PARD3: variants seen among roughly 807,000 people sequenced by gnomAD.
PARD3 encodes the protein partitioning defective 3 homolog.
Under a neutral mutation model 155.4 loss-of-function variants are expected in PARD3, and 75 were observed. The ratio of observed to expected loss-of-function variants is 0.48; its 90% confidence interval spans 0.40 to 0.58. PARD3 has a LOEUF of 0.58. PARD3 is among the 20% of genes least tolerant of loss of function. PARD3 has a pLI of 0.00. For missense variants in PARD3, 1,642 were observed against 1,721.7 expected, an observed-to-expected ratio of 0.95 and a Z score of 0.82; for synonymous variants, 576 against 610.5, an observed-to-expected ratio of 0.94 and a Z score of 0.83.
At chr10:34,591,541 A>G (rs2088679113) in intron 2 of PARD3, among the ~76,000 whole-genome samples, 3 of 152,212 alleles carry the variant, frequency 2.0e-5, no homozygotes, top group Admixed American at 2.0e-4. Flanking sequence ...ATAGTAAAGT[A>G]AGAATTAAAA....
chr10:34,790,072 T>C (rs1021987826), intron 1 of PARD3, among the ~76,000 whole-genome samples: 6 of 152,192 alleles, frequency 3.9e-5, no homozygotes, highest in African/African-American at 7.2e-5. Context: ...AAACTTGTCA[T>C]GTTCTGGGTT....
rs1337990667 is a variant in PARD3 at position 34,215,677 on chromosome 10, C to T, written c.3419+53980G>A. On this transcript the variant is annotated intron_variant, in intron 22 of 24. Transcript: ENST00000374788. ...CATAAACATAGGCTTAACTTCTATC[C>T]TTCTATAACGTTTGTAGGACTGCAA... Among the ~76,000 whole-genome samples the T allele has an allele frequency of 2.6e-5, 4 of 152,250 alleles. No individual in the cohort carries two copies. The East Asian group carries it at 7.7e-4, about 29-fold the overall frequency.
At chr10:34,355,210 T>C (rs1838660519) in intron 14 of PARD3, among the ~76,000 whole-genome samples, 1 of 152,104 alleles carries the variant, frequency 6.6e-6, no homozygotes, top group African/African-American at 2.4e-5. Flanking sequence ...ATGCCTGTGG[T>C]CCCAGCTACT....
chr10:34,735,119 C>G (rs1371559714), intron 1 of PARD3, among the ~76,000 whole-genome samples: 1 of 152,062 alleles, frequency 6.6e-6, no homozygotes, highest in African/African-American at 2.4e-5. Flanking sequence ...TGATGTAGCA[C>G]TTTTTGAGTA....
chr10:34,566,520 T>C (rs1199129214), intron 2 of PARD3, among the ~76,000 whole-genome samples: 1 of 152,198 alleles, frequency 6.6e-6, no homozygotes, highest in Non-Finnish European at 1.5e-5. Flanking sequence ...AAATGCAGCC[T>C]GAACAGCTGA....
intron 22 of PARD3, among the ~76,000 whole-genome samples, chr10:34,196,568 CT>C (rs71523319): frequency 7.6e-3 from 744 of 97,434 alleles, no homozygotes; most frequent in African/African-American, 0.013. Flanking sequence ...GTACCCTTTT[CT>C]TTTTTTTTTT....
intron 2 of PARD3, among the ~76,000 whole-genome samples, chr10:34,591,314 T>C (rs1292331951): frequency 6.6e-6 from 1 of 152,160 alleles, no homozygotes; most frequent in South Asian, 2.1e-4. Flanking sequence ...AATTAGTAAA[T>C]ATGGTCTTTC....
Position 34,315,496 on chromosome 10 carries a change from C to T in PARD3, c.3065+1611G>A, listed in dbSNP as rs547310673. ...AGCTTTCAGTAAGACGTCAGGAGAG[C>T]CCCTGGAAGAGAGAGTGGGCTACAA... On this transcript the variant is annotated intron_variant, in intron 20 of 24. Coordinates refer to ENST00000374788, the MANE Select transcript of PARD3 (RefSeq NM_001184785.2). 2.0e-5 allele frequency among the ~76,000 whole-genome samples: 3 copies of T among 152,218 alleles called. No individual in the cohort carries two copies. The South Asian group carries it at 6.2e-4, about 32-fold the overall frequency.
intron 2 of PARD3, among the ~76,000 whole-genome samples, chr10:34,684,778 TACAC>T (rs3087285): frequency 0.1 from 12,464 of 118,818 alleles, 552 homozygotes; most frequent in Middle Eastern, 0.13. Context: ...TGATGATACA[TACAC>T]ACACACACAC....
intron 22 of PARD3, among the ~76,000 whole-genome samples, chr10:34,263,229 C>T (rs1955115173): frequency 6.6e-6 from 1 of 152,188 alleles, no homozygotes; most frequent in East Asian, 1.9e-4. Flanking sequence ...TACTACAGAC[C>T]ATGCTCAGTG....
At chr10:34,366,604 CAT>C (rs1839991019) in intron 12 of PARD3, among the ~76,000 whole-genome samples, 1 of 151,998 alleles carries the variant, frequency 6.6e-6, no homozygotes, top group South Asian at 2.1e-4. Context: ...TAGAAATTTT[CAT>C]AGACATTAAA....
At chr10:34,201,020 G>A (rs923920681) in intron 22 of PARD3, among the ~76,000 whole-genome samples, 5 of 152,230 alleles carry the variant, frequency 3.3e-5, no homozygotes, top group South Asian at 2.1e-4. Flanking sequence ...GCAGACACAC[G>A]CACCTGCCAA....
chr10:34,646,437 A>G (rs1027404119), intron 2 of PARD3, among the ~76,000 whole-genome samples: 2 of 152,188 alleles, frequency 1.3e-5, no homozygotes, highest in South Asian at 2.1e-4. Flanking sequence ...ACATATTTTA[A>G]TATGTTTAAA....
At chr10:34,812,528 A>G (rs1844320005) in intron 1 of PARD3, among the ~76,000 whole-genome samples, 1 of 152,224 alleles carries the variant, frequency 6.6e-6, no homozygotes, top group African/African-American at 2.4e-5. Flanking sequence ...AAGTAGTAAG[A>G]AAGACTAAAA....
intron 16 of PARD3, among the ~76,000 whole-genome samples, chr10:34,338,673 C>T (rs1419715841): frequency 1.4e-4 from 21 of 152,126 alleles, no homozygotes; most frequent in Non-Finnish European, 2.1e-4. Flanking sequence ...AATTTAGTTG[C>T]GATTTACTGT....
chr10:34,436,784 A>G (rs1384469855), intron 5 of PARD3, among the ~76,000 whole-genome samples: 1 of 152,202 alleles, frequency 6.6e-6, no homozygotes, highest in South Asian at 2.1e-4. Flanking sequence ...TTTATGTGTC[A>G]GTCTATAAGG....
Position 34,687,490 on chromosome 10 carries a change from T to C in PARD3, c.222+8828A>G, listed in dbSNP as rs542525799. Among the ~76,000 whole-genome samples, 5 of 152,230 alleles carry C rather than the reference T, an allele frequency of 3.3e-5. No individual in the cohort carries two copies. The East Asian group carries it at 7.7e-4, about 24-fold the overall frequency. On this transcript the variant is annotated intron_variant, in intron 2 of 24. Transcript: ENST00000374788. ...TAGCAGCCAGCAATCTCCACCACAA[T>C]CCTTCCCCATGCCTGGCTTCAGCAT...
chr10:34,179,201 T>C lies in PARD3; in HGVS notation c.3420-47618A>G, dbSNP rs74564660. Among the ~76,000 whole-genome samples, 74 of 122,534 alleles carry C rather than the reference T, an allele frequency of 6.0e-4. 1 individual carries two copies. The South Asian group carries it at 6.3e-3, about 10-fold the overall frequency. 80.4% of individuals were successfully genotyped at this position (122,534 alleles called of 152,430 possible). A position where few individuals can be genotyped will look rare whatever the true frequency, so the allele number is the denominator to read the frequency against. On this transcript the variant is annotated intron_variant, in intron 22 of 24. Coordinates refer to ENST00000374788, the MANE Select transcript of PARD3 (RefSeq NM_001184785.2). The stretch of plus-strand genomic sequence containing the variant: ...ACACACACACACACACACACACACA[T>C]ATAAAATTTAGAGACTGTATTTTTA...
At chr10:34,584,784 T>C (rs1035460582) in intron 2 of PARD3, among the ~76,000 whole-genome samples, 2 of 152,094 alleles carry the variant, frequency 1.3e-5, no homozygotes, top group Non-Finnish European at 2.9e-5. Context: ...GACAAAAAAA[T>C]AGGCTAGTCA....
Sources: gnomAD v4.1 joint callset for allele counts (sites outside exome capture counted in the v4.1 genomes callset) on GRCh38, gnomAD v4.1.1 for gene constraint, MANE v1.5 for transcripts, NCBI Gene and HGNC (gene_info 2026-07-23, HGNC 2026-07-21) for gene names.